ZMIZ1: variants seen among roughly 807,000 people sequenced by gnomAD.
ZMIZ1 encodes the protein zinc finger MIZ domain-containing protein 1.
ZMIZ1 carries 17 observed loss-of-function variants against 113.9 expected under a neutral mutation model. The ratio of observed to expected loss-of-function variants is 0.15; its 90% CI spans 0.10 to 0.22. The LOEUF is 0.22. Ranked by LOEUF, ZMIZ1 falls within the 10% of genes least tolerant of loss-of-function variation. The pLI is 1.00. For missense variants in ZMIZ1, 1,059 were observed against 1,477.8 expected (o/e 0.72, Z 4.65); for synonymous variants, 607 against 603.1 (o/e 1.01, Z -0.09).
At chr10:79,121,235 C>G (rs1844275900) in intron 2 of ZMIZ1, among the ~76,000 whole-genome samples, 1 of 152,178 alleles carries the variant, frequency 6.6e-6, no homozygotes, top group African/African-American at 2.4e-5. Context: ...GATAAGGAAA[C>G]TGAGGCTCAG....
chr10:79,171,921 A>T (rs370589321), intron 4 of ZMIZ1, among the ~76,000 whole-genome samples: 1 of 152,196 alleles, frequency 6.6e-6, no homozygotes, highest in East Asian at 1.9e-4. Flanking sequence ...GACCTGGTAC[A>T]TCGTAGGCCA....
At chr10:79,134,582 C>A (rs935603699) in intron 2 of ZMIZ1, among the ~76,000 whole-genome samples, 21 of 152,234 alleles carry the variant, frequency 1.4e-4, no homozygotes, top group Non-Finnish European at 2.6e-4. Context: ...TGCCCCACGG[C>A]ACCCTGACTG....
chr10:79,293,857 T>C lies in ZMIZ1; in HGVS notation c.1230+204T>C, dbSNP rs547792139. ...CTGAAAGACCTCGAGCCAGTCACCC[T>C]GCCTCCTAGGGCTGCTTGAGGGACT... On this transcript the variant is annotated intron_variant, in intron 12 of 24. Coordinates refer to ENST00000334512, the MANE Select transcript of ZMIZ1 (RefSeq NM_020338.4). 2.3e-4 allele frequency: 175 copies of C among 772,372 alleles called. No homozygotes were observed. The East Asian group carries it at 4.6e-3, about 20-fold the overall frequency. The allele number at this position is 772,372 out of a possible 1,614,324, so 47.8% of individuals were successfully genotyped here. A position where few individuals can be genotyped will look rare whatever the true frequency, so the allele number is the denominator to read the frequency against.
In ZMIZ1 at chr10:79,162,129, C is replaced by G; in HGVS notation, c.-54C>G. The G allele has an allele frequency of 2.5e-6, 1 of 399,546 alleles. No individual in the cohort carries two copies. The highest frequency in any genetic ancestry group is 3.6e-5 in the East Asian group (1 of 28,162). The allele number at this position is 399,546 out of a possible 1,614,324, so 24.8% of individuals were successfully genotyped here. A position where few individuals can be genotyped will look rare whatever the true frequency, so the allele number is the denominator to read the frequency against. ...TGGAACACTGGTGGTTTGCAGATCACTGAGGTAGGTGTGCCACGGGGCTGG... is the reference window on the plus strand; with the variant it reads ...TGGAACACTGGTGGTTTGCAGATCAGTGAGGTAGGTGTGCCACGGGGCTGG... On this transcript the variant is annotated 5_prime_UTR_variant, in exon 4 of 25. Coordinates refer to ENST00000334512, the MANE Select transcript of ZMIZ1 (RefSeq NM_020338.4).
chr10:79,265,125 C>G (rs749820365), intron 7 of ZMIZ1, among the ~76,000 whole-genome samples: 1 of 152,172 alleles, frequency 6.6e-6, no homozygotes, highest in African/African-American at 2.4e-5. Context: ...CCTCGAGGCT[C>G]CCAGTTCCCA....
intron 4 of ZMIZ1, among the ~76,000 whole-genome samples, chr10:79,187,222 A>C (rs1174749233): frequency 1.3e-5 from 2 of 152,232 alleles, no homozygotes; most frequent in Admixed American, 1.3e-4. Context: ...AAGGCCATGG[A>C]GTCCAGGGTC....
At chr10:79,080,601 G>A (rs1271745296) in intron 1 of ZMIZ1, among the ~76,000 whole-genome samples, 1 of 152,130 alleles carries the variant, frequency 6.6e-6, no homozygotes, top group Non-Finnish European at 1.5e-5. Context: ...GAGTCACTGC[G>A]CCGGGCCTCA....
chr10:79,224,325 T>C (rs946470425), intron 7 of ZMIZ1, among the ~76,000 whole-genome samples: 4 of 152,104 alleles, frequency 2.6e-5, no homozygotes, highest in Non-Finnish European at 5.9e-5. Flanking sequence ...GCAGCAGCAG[T>C]CATGGGTTTC....
chr10:79,169,456 A>G (rs1434020805), intron 4 of ZMIZ1, among the ~76,000 whole-genome samples: 2 of 152,218 alleles, frequency 1.3e-5, no homozygotes, highest in African/African-American at 4.8e-5. Flanking sequence ...TATGGAAGAA[A>G]TGCAACAGAC....
At chr10:79,289,943 T>C (rs893526149) in intron 9 of ZMIZ1, 54 bp downstream of exon 9, 6 of 1,553,184 alleles carry the variant, frequency 3.9e-6, no homozygotes, top group Non-Finnish European at 5.3e-6. Flanking sequence ...GAGTGTCCCT[T>C]GACCCCTGGA....
chr10:79,216,674 A>G (rs1438205578), intron 7 of ZMIZ1, among the ~76,000 whole-genome samples: 1 of 152,236 alleles, frequency 6.6e-6, no homozygotes, highest in Admixed American at 6.5e-5. Flanking sequence ...CCAAGGCCAC[A>G]CAGCTGGAAG....
At chr10:79,306,447 G>T in intron 22 of ZMIZ1, 103 bp downstream of exon 22, 2 of 1,514,302 alleles carry the variant, frequency 1.3e-6, no homozygotes, top group Admixed American at 4.0e-5. Context: ...CGGGGGTGTG[G>T]TTGAAGAGAG....
chr10:79,293,207 T>C (rs1035029655), intron 11 of ZMIZ1, among the ~76,000 whole-genome samples, 174 bp from the exon 12 acceptor site: 3 of 127,374 alleles, frequency 2.4e-5, no homozygotes, highest in Non-Finnish European at 4.7e-5. Flanking sequence ...GCAGTGAGCC[T>C]GGGTGGATCC....
At chr10:79,104,474 T>A (rs1843483184) in intron 1 of ZMIZ1, among the ~76,000 whole-genome samples, 1 of 152,170 alleles carries the variant, frequency 6.6e-6, no homozygotes, top group East Asian at 1.9e-4. Flanking sequence ...GCCTCAGTTT[T>A]GTCATCTGCA....
intron 7 of ZMIZ1, among the ~76,000 whole-genome samples, chr10:79,245,860 C>G (rs1220984927): frequency 6.6e-6 from 1 of 152,206 alleles, no homozygotes; most frequent in Non-Finnish European, 1.5e-5. Context: ...CACTCAGTAG[C>G]CACCGAAGGC....
At chr10:79,244,235 T>C (rs1177782589) in intron 7 of ZMIZ1, among the ~76,000 whole-genome samples, 1 of 152,108 alleles carries the variant, frequency 6.6e-6, no homozygotes, top group East Asian at 1.9e-4. Flanking sequence ...GCAAAGGTGG[T>C]GGGTGCCGAA....
At chr10:79,226,318 G>A (rs889535431) in intron 7 of ZMIZ1, among the ~76,000 whole-genome samples, 2 of 152,186 alleles carry the variant, frequency 1.3e-5, no homozygotes, top group Non-Finnish European at 2.9e-5. Flanking sequence ...GGACTCAGTG[G>A]TGCTCCCGAG....
intron 4 of ZMIZ1, among the ~76,000 whole-genome samples, chr10:79,166,001 T>TGG (rs59789220): frequency 3.2e-5 from 2 of 61,802 alleles, no homozygotes; most frequent in Non-Finnish European, 7.9e-5. Flanking sequence ...TGTGTGTGTG[T>TGG]GGGCTCTCCC....
intron 4 of ZMIZ1, among the ~76,000 whole-genome samples, chr10:79,166,995 G>A (rs531853286): frequency 6.6e-6 from 1 of 152,368 alleles, no homozygotes; most frequent in African/African-American, 2.4e-5. Context: ...GCCCTGGGCT[G>A]CGGCTCCACC....
Sources: allele counts gnomAD v4.1 joint callset (sites outside exome capture counted in the v4.1 genomes callset), GRCh38; gene constraint gnomAD v4.1.1; transcripts MANE v1.5; gene names NCBI Gene and HGNC (gene_info 2026-07-23, HGNC 2026-07-21).